CCDC3: variants seen among roughly 807,000 people sequenced by gnomAD.
The protein encoded by CCDC3 is coiled-coil domain containing 3, also known as coiled-coil domain-containing protein 3.
Under a neutral mutation model 21.4 loss-of-function variants are expected in CCDC3, and 24 were observed. The observed-to-expected ratio is 1.12, with a 90% CI of 0.81 to 1.58. The LOEUF (loss-of-function observed/expected upper bound fraction) is 1.58. Among genes scored for constraint, CCDC3 ranks in the 40% most tolerant of loss-of-function variants. The pLI is 0.00. For missense variants in CCDC3, 425 were observed against 360.9 expected (o/e 1.18, Z -1.44); for synonymous variants, 186 against 166.0 (o/e 1.12, Z -0.93).
rs938952502 is a variant in CCDC3 at position 12,901,475 on chromosome 10, A to C, written c.550-2796T>G. Among the ~76,000 whole-genome samples, 14 of 152,014 alleles carry C rather than the reference A, an allele frequency of 9.2e-5. 1 individual carries two copies. The highest frequency in any genetic ancestry group is 3.4e-4 in the African/African-American group (14 of 41,388). The stretch of plus-strand genomic sequence containing the variant: ...TTTTTTGTAGAGATGGGGTTTCACC[A>C]TATTGGCCAGGATGGTCTCGATTTC... On this transcript the variant is annotated intron_variant, in intron 2 of 2. Coordinates refer to ENST00000378825, the MANE Select transcript of CCDC3 (RefSeq NM_031455.4).
At chr10:12,962,695 C>A (rs1835198783) in intron 2 of CCDC3, among the ~76,000 whole-genome samples, 1 of 152,108 alleles carries the variant, frequency 6.6e-6, no homozygotes. Context: ...ATCAAGGGGT[C>A]AGAAGGAAAA....
At chr10:12,968,224 CAG>C (rs55853676) in intron 2 of CCDC3, among the ~76,000 whole-genome samples, 2,522 of 148,834 alleles carry the variant, frequency 0.017, 49 homozygotes, top group Middle Eastern at 0.049. Context: ...CACACACACA[CAG>C]AGTATCCTAA....
At position 12,897,308 on chromosome 10, in the gene CCDC3, T is replaced by A. The variant is rs1175627128; in HGVS notation, c.*1108A>T. The A allele has an allele frequency of 6.6e-6, 1 of 152,278 alleles. No individual in the cohort carries two copies. Among genetic ancestry groups the A allele is most frequent in the African/African-American group, 2.4e-5 (1 of 41,458 alleles). The allele number at this position is 152,278 out of a possible 1,614,324, so 9.4% of individuals were successfully genotyped here. A position where few individuals can be genotyped will look rare whatever the true frequency, so the allele number is the denominator to read the frequency against. On this transcript the variant is annotated 3_prime_UTR_variant, in exon 3 of 3. Coordinates refer to ENST00000378825, the MANE Select transcript of CCDC3 (RefSeq NM_031455.4). ...ACTCTCATTTTTACTTATAGTAGTG[T>A]CTTAAAAGTTTTATTTCCAGAAAGG... is the stretch of plus-strand genomic sequence containing the variant.
chr10:13,007,409 T>C (rs1030970057), intron 5 of CCDC3, among the ~76,000 whole-genome samples: 4 of 152,226 alleles, frequency 2.6e-5, no homozygotes, highest in African/African-American at 9.6e-5. Flanking sequence ...ATTAAATTTA[T>C]ACTCTCAAAC....
At chr10:12,904,691 A>G (rs531502788) in intron 2 of CCDC3, among the ~76,000 whole-genome samples, 1 of 152,026 alleles carries the variant, frequency 6.6e-6, no homozygotes, top group Admixed American at 6.6e-5. Flanking sequence ...AAGTCTTCCT[A>G]TAAGTTTCCT....
intron 3 of CCDC3, among the ~76,000 whole-genome samples, chr10:13,075,948 A>C (rs1372299583): frequency 6.6e-6 from 1 of 152,206 alleles, no homozygotes; most frequent in Non-Finnish European, 1.5e-5. Flanking sequence ...CTGTAATCCC[A>C]GATATCCAAA....
At chr10:13,057,277 G>T (rs1182176682) in intron 4 of CCDC3, among the ~76,000 whole-genome samples, 1 of 152,058 alleles carries the variant, frequency 6.6e-6, no homozygotes, top group Admixed American at 6.6e-5. Context: ...GGGTGACAGA[G>T]AGAGACCTTG....
intron 3 of CCDC3, among the ~76,000 whole-genome samples, chr10:13,095,621 G>A (rs7921061): frequency 8.5e-5 from 13 of 152,216 alleles, no homozygotes; most frequent in African/African-American, 3.1e-4. Flanking sequence ...TCACCCACCC[G>A]TTGCTCACCT....
intron 2 of CCDC3, among the ~76,000 whole-genome samples, chr10:12,961,924 C>A (rs1489949277): frequency 6.6e-6 from 1 of 152,074 alleles, no homozygotes; most frequent in Non-Finnish European, 1.5e-5. Context: ...GAAATGTAAA[C>A]CTCTGATAAG....
rs560597821 is a variant in CCDC3, at chr10:13,080,915, A to C, written c.-502-6815T>G. On this transcript the variant is annotated intron_variant, in intron 3 of 6. Coordinates refer to the CCDC3 transcript ENST00000378839. ...TGAGTCACAAGGCCCCTCATCCCCA[A>C]GGCCGAAACGCACAGGGGTGATGAG... 1.4e-3 allele frequency among the ~76,000 whole-genome samples: 218 copies of C among 152,372 alleles called. 1 individual carries two copies. Among genetic ancestry groups the C allele is most frequent in the Admixed American group, 2.9e-3 (44 of 15,308 alleles).
intron 4 of CCDC3, among the ~76,000 whole-genome samples, chr10:13,051,888 G>T (rs541335838): frequency 4.6e-5 from 7 of 152,124 alleles, no homozygotes; most frequent in Non-Finnish European, 1.0e-4. Flanking sequence ...ACTTCCGCTT[G>T]GACAGGACAA....
intron 3 of CCDC3, among the ~76,000 whole-genome samples, chr10:13,093,731 A>G (rs1832601998): frequency 6.6e-6 from 1 of 152,138 alleles, no homozygotes; most frequent in African/African-American, 2.4e-5. Flanking sequence ...TCACTCCACC[A>G]TGCACTTTTT....
intron 2 of CCDC3, among the ~76,000 whole-genome samples, chr10:12,996,029 T>C (rs1835756942): frequency 6.6e-6 from 1 of 152,144 alleles, no homozygotes; most frequent in African/African-American, 2.4e-5. Flanking sequence ...ATCTATTATA[T>C]AGTCATATAA....
chr10:12,978,325 T>TC (rs1835446281), intron 2 of CCDC3, among the ~76,000 whole-genome samples: 1 of 152,198 alleles, frequency 6.6e-6, no homozygotes, highest in Non-Finnish European at 1.5e-5. Flanking sequence ...GGCCATATTT[T>TC]CCACACTCTT....
intron 4 of CCDC3, chr10:13,058,316 C>G (rs1836709157): frequency 7.5e-7 from 1 of 1,334,630 alleles, no homozygotes; most frequent in East Asian, 2.3e-5. Context: ...CTTCACTTGG[C>G]CTTCATAGAT....
At chr10:12,928,860 G>C (rs1015943057) in intron 2 of CCDC3, among the ~76,000 whole-genome samples, 2 of 152,122 alleles carry the variant, frequency 1.3e-5, no homozygotes, top group Admixed American at 6.6e-5. Flanking sequence ...CATTGAAAAA[G>C]GTGTCTGTCC....
intron 5 of CCDC3, among the ~76,000 whole-genome samples, chr10:13,020,348 C>A (rs1836128365): frequency 6.6e-6 from 1 of 152,190 alleles, no homozygotes; most frequent in Non-Finnish European, 1.5e-5. Context: ...TGTCTTTTTG[C>A]TGTCATGAAC....
chr10:13,077,735 C>A (rs574910715), intron 3 of CCDC3, among the ~76,000 whole-genome samples: 1 of 152,246 alleles, frequency 6.6e-6, no homozygotes, highest in Non-Finnish European at 1.5e-5. Flanking sequence ...CTTTGACAAA[C>A]CTGACAAAAA....
intron 2 of CCDC3, among the ~76,000 whole-genome samples, chr10:12,900,256 T>A (rs1680058978): frequency 6.6e-6 from 1 of 152,092 alleles, no homozygotes; most frequent in South Asian, 2.1e-4. Context: ...TTCCTTTATA[T>A]GTGTGTGTGA....
Sources: gnomAD v4.1 joint callset for allele counts (sites outside exome capture counted in the v4.1 genomes callset) on GRCh38, gnomAD v4.1.1 for gene constraint, MANE v1.5 for transcripts, NCBI Gene and HGNC (gene_info 2026-07-23, HGNC 2026-07-21) for gene names.